Variants in F13A1 observed in about 807,000 individuals in gnomAD.
F13A1 encodes coagulation factor XIII A chain.
F13A1 carries 47 observed loss-of-function variants against 80.1 expected under a neutral mutation model. That is an observed-to-expected ratio of 0.59 (90% CI 0.46 to 0.75). The LOEUF is 0.75. F13A1 is among the 30% of genes least tolerant of loss of function. The pLI is 0.00. For missense variants in F13A1, 817 were observed against 930.4 expected, an observed-to-expected ratio of 0.88 and a Z score of 1.59; for synonymous variants, 349 against 344.9, an observed-to-expected ratio of 1.01 and a Z score of -0.13.
At chr6:6,240,200 C>T (rs1269797287) in intron 6 of F13A1, among the ~76,000 whole-genome samples, 1 of 152,064 alleles carries the variant, frequency 6.6e-6, no homozygotes, top group African/African-American at 2.4e-5. Context: ...TCGAGAGATG[C>T]CTTGTAATAA....
At chr6:6,166,498 T>C (rs372520366) in intron 13 of F13A1, among the ~76,000 whole-genome samples, 2 of 152,352 alleles carry the variant, frequency 1.3e-5, no homozygotes, top group East Asian at 1.9e-4. Context: ...TCTGTGCTAA[T>C]TGCTCTTAAT....
intron 13 of F13A1, among the ~76,000 whole-genome samples, chr6:6,163,384 A>G (rs1408321056): frequency 6.6e-6 from 1 of 152,150 alleles, no homozygotes; most frequent in Non-Finnish European, 1.5e-5. Context: ...GGTTTGTTAT[A>G]TAGGTAAACT....
chr6:6,302,921 A>C (rs1457397947), intron 3 of F13A1, among the ~76,000 whole-genome samples: 2 of 152,178 alleles, frequency 1.3e-5, no homozygotes, highest in Non-Finnish European at 2.9e-5. Context: ...TTCCTCAAAA[A>C]ATTGTCTTTT....
intron 9 of F13A1, among the ~76,000 whole-genome samples, chr6:6,196,769 T>C (rs891040429): frequency 6.6e-6 from 1 of 152,170 alleles, no homozygotes; most frequent in Non-Finnish European, 1.5e-5. Flanking sequence ...TACTGAAGCT[T>C]TGGAGGAAAT....
At position 6,211,737 on chromosome 6, in the gene F13A1, G is replaced by T. The variant is rs112530388; in HGVS notation, c.1112+10296C>A. Among the ~76,000 whole-genome samples, 8 of 152,316 alleles carry T rather than the reference G, an allele frequency of 5.3e-5. 1 individual carries two copies. The highest frequency in any genetic ancestry group is 1.9e-4 in the African/African-American group (8 of 41,582). ...TCCCAGCGTGAGTGACACAGAAGAC[G>T]GGTGATTTCTGCATTTCCATCTGAG... On this transcript the variant is annotated intron_variant, in intron 8 of 14. Coordinates refer to ENST00000264870, the MANE Select transcript of F13A1 (RefSeq NM_000129.4).
chr6:6,201,049 C>T (rs888862211), intron 8 of F13A1, among the ~76,000 whole-genome samples: 1 of 152,194 alleles, frequency 6.6e-6, no homozygotes, highest in Non-Finnish European at 1.5e-5. Context: ...CGTCCTGCTT[C>T]CTATACGACC....
At chr6:6,167,362 T>A in intron 13 of F13A1, 96 bp downstream of exon 13, 3 of 1,114,122 alleles carry the variant, frequency 2.7e-6, no homozygotes, top group Non-Finnish European at 3.8e-6. Flanking sequence ...GGACATTCAT[T>A]CACACACACA....
At chr6:6,206,070 A>T (rs970735225) in intron 8 of F13A1, among the ~76,000 whole-genome samples, 2 of 152,220 alleles carry the variant, frequency 1.3e-5, no homozygotes, top group Non-Finnish European at 2.9e-5. Context: ...TGTATAAAAA[A>T]GTTTATATAA....
At chr6:6,224,471 A>C (rs1350912390) in intron 7 of F13A1, among the ~76,000 whole-genome samples, 2 of 152,166 alleles carry the variant, frequency 1.3e-5, no homozygotes, top group Non-Finnish European at 2.9e-5. Context: ...ATAGTCTATC[A>C]TTCTTTCTAT....
intron 13 of F13A1, among the ~76,000 whole-genome samples, chr6:6,165,193 C>G (rs1249872808): frequency 1.3e-5 from 2 of 152,196 alleles, no homozygotes; most frequent in African/African-American, 4.8e-5. Flanking sequence ...CCTCCAGGAA[C>G]AGCATCTCTG....
At chr6:6,233,730 T>C (rs1401473596) in intron 6 of F13A1, among the ~76,000 whole-genome samples, 2 of 152,042 alleles carry the variant, frequency 1.3e-5, no homozygotes, top group Non-Finnish European at 2.9e-5. Flanking sequence ...TCCAACAACA[T>C]ATCAAAAAGA....
At chr6:6,170,509 T>C (rs1760753733) in intron 12 of F13A1, among the ~76,000 whole-genome samples, 1 of 152,210 alleles carries the variant, frequency 6.6e-6, no homozygotes, top group Non-Finnish European at 1.5e-5. Flanking sequence ...AGGAATAGGT[T>C]TTCGCTCTAT....
At chr6:6,211,685 C>T (rs529404921) in intron 8 of F13A1, among the ~76,000 whole-genome samples, 135 of 152,192 alleles carry the variant, frequency 8.9e-4, no homozygotes, top group Non-Finnish European at 1.5e-3. Flanking sequence ...CCAAGATGGC[C>T]GAATAGGAAC....
At chr6:6,269,172 C>T (rs1742671464) in intron 3 of F13A1, among the ~76,000 whole-genome samples, 1 of 152,198 alleles carries the variant, frequency 6.6e-6, no homozygotes. Flanking sequence ...CTGGCTCTAA[C>T]ACTTCTGTGT....
Position 6,243,892 on chromosome 6 carries a change from C to G in F13A1, c.798+4420G>C, listed in dbSNP as rs767273290. 3.9e-5 allele frequency among the ~76,000 whole-genome samples: 6 copies of G among 152,200 alleles called. No homozygotes were observed. The highest frequency in any genetic ancestry group is 8.8e-5 in the Non-Finnish European group (6 of 68,030). On this transcript the variant is annotated intron_variant, in intron 6 of 14. Transcript: ENST00000264870. This position sits in a 1 kb window ranked among gnomAD's most constrained non-coding sequence, Gnocchi z 4.2. ...AATAACGAGCCTTTATCTGCAGTAG[C>G]GGCAGCCTTTGCAGAAGCAGCTGCA...
chr6:6,195,883 T>C lies in F13A1; in HGVS notation c.1219A>G (p.Met407Val). 6.2e-7 allele frequency: 1 copy of C among 1,614,062 alleles called. No individual in the cohort carries two copies. The highest frequency in any genetic ancestry group is 2.2e-5 in the East Asian group (1 of 44,876). ...ACCGAGGCGGGGCCACACCGATACATGCCTGCATTGCACAGAGGAAGGGCG... is the reference window on the plus strand; with the variant it reads ...ACCGAGGCGGGGCCACACCGATACACGCCTGCATTGCACAGAGGAAGGGCG... ...DSTPQENSDGMYRCGPASVQA... is the reference protein window; with the variant it reads ...DSTPQENSDGVYRCGPASVQA... The change falls in exon 10 of 15, where the codon ATG becomes GTG. Residue 407 changes from methionine to valine, a missense_variant and splice_region_variant. By Grantham distance (21) the Met-to-Val change is conservative (BLOSUM62 1). Coordinates refer to ENST00000264870, the MANE Select transcript of F13A1 (RefSeq NM_000129.4).
At chr6:6,318,713 G>T in intron 1 of F13A1, 31 bp from the exon 2 acceptor site, 1 of 1,584,920 alleles carries the variant, frequency 6.3e-7, no homozygotes, top group Non-Finnish European at 8.6e-7. Flanking sequence ...GAAGACAACA[G>T]AAAAGGCATG....
At chr6:6,226,478 T>A (rs189768774) in intron 6 of F13A1, among the ~76,000 whole-genome samples, 29 of 152,232 alleles carry the variant, frequency 1.9e-4, no homozygotes, top group African/African-American at 6.8e-4. Flanking sequence ...GATTGAAGCA[T>A]GTGTGTTTTG....
At chr6:6,272,385 A>C (rs1757932675) in intron 3 of F13A1, among the ~76,000 whole-genome samples, 1 of 152,164 alleles carries the variant, frequency 6.6e-6, no homozygotes, top group Admixed American at 6.5e-5. Context: ...ACCTGGAAGA[A>C]CATACTTGCC....
Sources: gnomAD v4.1 joint callset for allele counts (sites outside exome capture counted in the v4.1 genomes callset) on GRCh38, gnomAD v4.1.1 for gene constraint, Gnocchi (gnomAD v3.1) non-coding constraint, MANE v1.5 for transcripts, NCBI Gene and HGNC (gene_info 2026-07-23, HGNC 2026-07-21) for gene names.